CORO2B: variants seen among roughly 807,000 people sequenced by gnomAD.
CORO2B encodes coronin 2B, also known as coronin-2B.
In CORO2B, 26 loss-of-function variants were observed where a neutral mutation model predicts 58.8. That is an observed-to-expected ratio of 0.44 (90% CI 0.32 to 0.61). The LOEUF is 0.61. CORO2B is among the 20% of genes least tolerant of loss of function. The probability of loss-of-function intolerance (pLI) is 0.04; values close to 1 mark genes in which losing one functional copy is unlikely to be tolerated. For synonymous variants in CORO2B, 242 were observed against 253.8 expected (o/e 0.95, Z 0.44); for missense variants, 460 against 645.1 (o/e 0.71, Z 3.11).
At chr15:68,578,114 A>G (rs1391737029), upstream of CORO2B, among the ~76,000 whole-genome samples, 3 of 152,230 alleles carry the variant, frequency 2.0e-5, no homozygotes, top group African/African-American at 4.8e-5. This position sits in a 1 kb window ranked among gnomAD's most constrained non-coding sequence, Gnocchi z 4.2. Context: ...GGTCACCTTC[A>G]GGTGACTGTC....
intron 2 of CORO2B, among the ~76,000 whole-genome samples, chr15:68,673,592 C>T (rs1481298315): frequency 2.0e-5 from 3 of 152,132 alleles, no homozygotes; most frequent in African/African-American, 7.2e-5. Context: ...AATCCCAGCA[C>T]TTTAGGAGGC....
chr15:68,705,979 A>G (rs771151344), intron 3 of CORO2B, among the ~76,000 whole-genome samples: 1 of 152,034 alleles, frequency 6.6e-6, no homozygotes, highest in Non-Finnish European at 1.5e-5. Flanking sequence ...ATGTGACTCT[A>G]CCTTACCCTG....
At chr15:68,555,499 G>C in the CORO2B span, among the ~76,000 whole-genome samples, 5 of 152,218 alleles carry the variant, frequency 3.3e-5, no homozygotes, top group African/African-American at 1.2e-4. Context: ...GGGCAGGGGG[G>C]AGAGAAGGCT....
chr15:68,556,895 G>A, the CORO2B span, among the ~76,000 whole-genome samples: 1 of 152,130 alleles, frequency 6.6e-6, no homozygotes, highest in Middle Eastern at 3.2e-3. Context: ...TCCTAGTGAG[G>A]AGGGGACTCA....
intron 1 of CORO2B, among the ~76,000 whole-genome samples, chr15:68,604,626 A>AG (rs1420637635): frequency 3.3e-5 from 5 of 152,056 alleles, no homozygotes; most frequent in African/African-American, 1.2e-4. Flanking sequence ...ATTTAAAAAA[A>AG]AAAACCTCCC....
At chr15:68,718,620 G>A in intron 8 of CORO2B, 78 bp from the exon 9 acceptor site, 1 of 1,254,804 alleles carries the variant, frequency 8.0e-7, no homozygotes, top group South Asian at 1.2e-5. Context: ...CCTTTCCCCT[G>A]GCCCAGAACA....
intron 2 of CORO2B, among the ~76,000 whole-genome samples, chr15:68,687,353 A>C (rs1903018059): frequency 6.6e-6 from 1 of 152,228 alleles, no homozygotes; most frequent in South Asian, 2.1e-4. Flanking sequence ...TCAGCTCTGC[A>C]GTGATGGGAG....
intron 3 of CORO2B, among the ~76,000 whole-genome samples, chr15:68,702,627 T>C (rs1035706403): frequency 6.6e-6 from 1 of 152,010 alleles, no homozygotes; most frequent in Admixed American, 6.6e-5. Flanking sequence ...TCCAGGAGCC[T>C]CCTGGCCCCT....
At chr15:68,623,849 G>A (rs1040343969) in intron 1 of CORO2B, among the ~76,000 whole-genome samples, 1 of 152,152 alleles carries the variant, frequency 6.6e-6, no homozygotes, top group East Asian at 1.9e-4. Flanking sequence ...CTCCATTGTC[G>A]ACACCACGGA....
At chr15:68,597,462 G>A (rs963618030) in intron 1 of CORO2B, among the ~76,000 whole-genome samples, 1 of 152,120 alleles carries the variant, frequency 6.6e-6, no homozygotes, top group Middle Eastern at 3.4e-3. Context: ...GAGGCTCCAA[G>A]GGGTTAAGCA....
the CORO2B span, among the ~76,000 whole-genome samples, chr15:68,548,576 T>C: frequency 6.6e-6 from 1 of 152,160 alleles, no homozygotes; most frequent in Non-Finnish European, 1.5e-5. Context: ...ATATGAAAGT[T>C]TCTCTAGGAA....
At chr15:68,634,529 T>C (rs920791773) in intron 1 of CORO2B, among the ~76,000 whole-genome samples, 1 of 152,196 alleles carries the variant, frequency 6.6e-6, no homozygotes, top group Admixed American at 6.5e-5. Flanking sequence ...AAGGGACAGA[T>C]GCAAAGTCAC....
intron 1 of CORO2B, among the ~76,000 whole-genome samples, chr15:68,641,801 G>A (rs1400210006): frequency 6.6e-6 from 1 of 152,026 alleles, no homozygotes; most frequent in Non-Finnish European, 1.5e-5. Flanking sequence ...TCAGCCCACT[G>A]CAACCTCCAC....
At chr15:68,584,613 C>T (rs1036439992) in intron 1 of CORO2B, among the ~76,000 whole-genome samples, 2 of 152,194 alleles carry the variant, frequency 1.3e-5, no homozygotes, top group African/African-American at 4.8e-5. Flanking sequence ...TCCTGGCACC[C>T]GGGCAGCCCT....
chr15:68,615,114 A>G (rs942373929), intron 1 of CORO2B, among the ~76,000 whole-genome samples: 5 of 152,178 alleles, frequency 3.3e-5, no homozygotes, highest in Non-Finnish European at 5.9e-5. Context: ...AAGCAGGAGT[A>G]ATGGCTTAGT....
At chr15:68,591,619 A>G (rs752610781) in intron 1 of CORO2B, among the ~76,000 whole-genome samples, 12 of 152,306 alleles carry the variant, frequency 7.9e-5, no homozygotes, top group African/African-American at 1.7e-4. Flanking sequence ...CCTATGTGCA[A>G]TGAGGCGGGG....
At chr15:68,613,369 G>C (rs1022750684) in intron 1 of CORO2B, among the ~76,000 whole-genome samples, 1 of 152,150 alleles carries the variant, frequency 6.6e-6, no homozygotes, top group Non-Finnish European at 1.5e-5. Flanking sequence ...GGTAGAAGCG[G>C]CATATTAAAA....
chr15:68,694,762 G>C (rs554133391), intron 2 of CORO2B, among the ~76,000 whole-genome samples: 3 of 152,228 alleles, frequency 2.0e-5, no homozygotes, highest in Non-Finnish European at 2.9e-5. Flanking sequence ...TCGTGGGCCT[G>C]TGTGTGTGCC....
rs551643358 is a variant in CORO2B at position 68,597,130 on chromosome 15, G to A, written c.15+17853G>A. Among the ~76,000 whole-genome samples, 10 of 150,290 alleles carry A rather than the reference G, an allele frequency of 6.7e-5. 1 individual carries two copies. Among genetic ancestry groups the A allele is most frequent in the South Asian group, 4.2e-4 (2 of 4,748 alleles). ...TGGTGGCCTGCTCATTTCAAATTGC[G>A]TAAAACCAAAGAGCAATTAAGAGGC... On this transcript the variant is annotated intron_variant, in intron 1 of 11. Transcript: ENST00000261861.
Sources: gnomAD v4.1 joint callset for allele counts (sites outside exome capture counted in the v4.1 genomes callset) on GRCh38, gnomAD v4.1.1 for gene constraint, Gnocchi (gnomAD v3.1) non-coding constraint, MANE v1.5 for transcripts, NCBI Gene and HGNC (gene_info 2026-07-23, HGNC 2026-07-21) for gene names.